The following CRIM1 variants were observed in gnomAD, a reference collection of about 807,000 sequenced individuals.
CRIM1 encodes cysteine-rich motor neuron 1 protein.
In CRIM1, 32 loss-of-function variants were observed where a neutral mutation model predicts 116.4. The observed-to-expected ratio is 0.27, with a 90% CI of 0.21 to 0.37. CRIM1 has a LOEUF of 0.37. Among genes scored for constraint, CRIM1 ranks in the 10% least tolerant of loss-of-function variants. CRIM1 has a pLI of 1.00. For missense variants in CRIM1, 1,331 were observed against 1,354.8 expected (o/e 0.98, Z 0.28); for synonymous variants, 590 against 509.2 (o/e 1.16, Z -2.13).
intron 1 of CRIM1, among the ~76,000 whole-genome samples, chr2:36,367,401 A>G (rs1269175469): frequency 6.6e-6 from 1 of 152,202 alleles, no homozygotes; most frequent in Non-Finnish European, 1.5e-5. Flanking sequence ...TAAAGGAGAA[A>G]AAAACAGCCA....
intron 4 of CRIM1, among the ~76,000 whole-genome samples, chr2:36,450,472 C>G (rs1676623686): frequency 6.6e-6 from 1 of 152,192 alleles, no homozygotes; most frequent in South Asian, 2.1e-4. Flanking sequence ...GTTTTAGGTT[C>G]TCTTTTCCTA....
intron 9 of CRIM1, among the ~76,000 whole-genome samples, chr2:36,512,064 TG>T (rs1263782649): frequency 2.0e-5 from 3 of 152,332 alleles, no homozygotes; most frequent in Non-Finnish European, 4.4e-5. Flanking sequence ...AGCACGTAAG[TG>T]CTTGGGCAAC....
Position 36,418,141 on chromosome 2 carries a change from C to G in CRIM1, c.505+21354C>G, listed in dbSNP as rs559322701. Among the ~76,000 whole-genome samples the G allele has an allele frequency of 5.2e-4, 79 of 152,262 alleles. 1 individual carries two copies. In the East Asian group the frequency reaches 0.013, roughly 25 times the overall value. On this transcript the variant is annotated intron_variant, in intron 2 of 16. Transcript: ENST00000280527. ...GTAGCCTGAAGGTAAAGTAAGAGCTCAAGGAGGAGTGTTTACTTCCTGAAT... is the reference window on the plus strand; with the variant it reads ...GTAGCCTGAAGGTAAAGTAAGAGCTGAAGGAGGAGTGTTTACTTCCTGAAT...
chr2:36,419,467 C>T (rs1673887908), intron 2 of CRIM1, among the ~76,000 whole-genome samples: 1 of 152,184 alleles, frequency 6.6e-6, no homozygotes, highest in Non-Finnish European at 1.5e-5. Context: ...GACTCATTGA[C>T]ATCCCAGAAT....
chr2:36,444,680 A>ACAG (rs1294530372), intron 4 of CRIM1, among the ~76,000 whole-genome samples: 1 of 152,218 alleles, frequency 6.6e-6, no homozygotes, highest in Admixed American at 6.5e-5. Flanking sequence ...ATAGGTTCTC[A>ACAG]CAGCTCTTTA....
chr2:36,485,802 C>T (rs1044641324), intron 7 of CRIM1, among the ~76,000 whole-genome samples: 1 of 152,112 alleles, frequency 6.6e-6, no homozygotes, highest in South Asian at 2.1e-4. Context: ...GTGCCATATA[C>T]GATGCTATTA....
Position 36,550,771 on chromosome 2 carries a change from G to A in CRIM1, c.*2070G>A, listed in dbSNP as rs1456629288. 6.6e-6 allele frequency: 1 copy of A among 152,184 alleles called. No homozygotes were observed. The highest frequency in any genetic ancestry group is 2.4e-5 in the African/African-American group (1 of 41,318). 9.4% of individuals were successfully genotyped at this position (152,184 alleles called of 1,614,324 possible). ...CAGCCTGATTAGTATAAATTTTGTT[G>A]GTAATTAATCCATTCCTGGCATAAA... On this transcript the variant is annotated 3_prime_UTR_variant, in exon 17 of 17. Transcript: ENST00000280527.
chr2:36,531,315 T>A (rs1342562259), intron 13 of CRIM1, among the ~76,000 whole-genome samples: 1 of 152,034 alleles, frequency 6.6e-6, no homozygotes, highest in Non-Finnish European at 1.5e-5. Flanking sequence ...AACTATAACA[T>A]AGGTTAGAGT....
rs201337445 is a variant in CRIM1, at chr2:36,372,360, A to G, written c.331+15737A>G. On this transcript the variant is annotated intron_variant, in intron 1 of 16. Coordinates refer to ENST00000280527, the MANE Select transcript of CRIM1 (RefSeq NM_016441.3). ...CCCCAACTTGTTATTTAGTAATTCC[A>G]CATTCAGTGTGGAATTGTTTTTTCT... Among the ~76,000 whole-genome samples, 9 of 152,314 alleles carry G rather than the reference A, an allele frequency of 5.9e-5. No individual in the cohort carries two copies. In the East Asian group the frequency reaches 1.2e-3, roughly 20 times the overall value.
chr2:36,461,638 T>C (rs1283850410), intron 4 of CRIM1, among the ~76,000 whole-genome samples: 1 of 152,200 alleles, frequency 6.6e-6, no homozygotes, highest in Non-Finnish European at 1.5e-5. Flanking sequence ...AGAATAATCT[T>C]ACTGAAGAAT....
At chr2:36,520,279 T>C (rs1331158765) in intron 12 of CRIM1, among the ~76,000 whole-genome samples, 1 of 152,204 alleles carries the variant, frequency 6.6e-6, no homozygotes, top group Non-Finnish European at 1.5e-5. Context: ...AGCACGGCTG[T>C]CCCTTCTTCT....
chr2:36,373,206 C>T (rs1670060723), intron 1 of CRIM1, among the ~76,000 whole-genome samples: 1 of 152,140 alleles, frequency 6.6e-6, no homozygotes, highest in Admixed American at 6.5e-5. Flanking sequence ...CAGAACTGTT[C>T]TTGCTGATGG....
intron 14 of CRIM1, among the ~76,000 whole-genome samples, chr2:36,543,276 A>G (rs1023883677): frequency 6.6e-6 from 1 of 151,996 alleles, no homozygotes. Context: ...CTCATGGGGG[A>G]AGCTTAGCAA....
chr2:36,364,425 A>G, intron 1 of CRIM1, among the ~76,000 whole-genome samples: 1 of 152,350 alleles, frequency 6.6e-6, no homozygotes, highest in South Asian at 2.1e-4. Context: ...TAAACTGGAA[A>G]AGCAGACAAT....
At chr2:36,473,503 T>C (rs1243965297) in intron 5 of CRIM1, among the ~76,000 whole-genome samples, 1 of 152,198 alleles carries the variant, frequency 6.6e-6, no homozygotes, top group Non-Finnish European at 1.5e-5. Context: ...CCTGAACTGA[T>C]TGCAGTCACT....
At chr2:36,415,726 A>G (rs1673563857) in intron 2 of CRIM1, among the ~76,000 whole-genome samples, 2 of 152,238 alleles carry the variant, frequency 1.3e-5, no homozygotes, top group South Asian at 4.1e-4. Context: ...AGCCCATACC[A>G]TTTAAATCAT....
At chr2:36,524,381 T>C (rs900108856) in intron 13 of CRIM1, among the ~76,000 whole-genome samples, 3 of 152,226 alleles carry the variant, frequency 2.0e-5, no homozygotes, top group African/African-American at 7.2e-5. Context: ...AGCTATTCTT[T>C]CAGGCTGGGT....
chr2:36,504,544 G>A (rs1681249287), intron 8 of CRIM1, among the ~76,000 whole-genome samples: 1 of 152,114 alleles, frequency 6.6e-6, no homozygotes, highest in Admixed American at 6.5e-5. Context: ...TAACATTCTT[G>A]TAACACTAAG....
chr2:36,443,967 T>C (rs1676055763), intron 4 of CRIM1, among the ~76,000 whole-genome samples: 1 of 152,222 alleles, frequency 6.6e-6, no homozygotes, highest in Non-Finnish European at 1.5e-5. Context: ...TATGATAATT[T>C]ATGTGCAGAT....
Sources: gnomAD v4.1 joint callset for allele counts (sites outside exome capture counted in the v4.1 genomes callset) on GRCh38, gnomAD v4.1.1 for gene constraint, MANE v1.5 for transcripts, NCBI Gene and HGNC (gene_info 2026-07-23, HGNC 2026-07-21) for gene names.